Variants in SUGCT observed in about 807,000 individuals in gnomAD.
The protein encoded by SUGCT is succinyl-CoA:glutarate-CoA transferase.
Under a neutral mutation model 55.0 loss-of-function variants are expected in SUGCT, and 41 were observed. That is an observed-to-expected ratio of 0.74 (90% confidence interval 0.58 to 0.97). The LOEUF (loss-of-function observed/expected upper bound fraction) is 0.97. Among genes scored for constraint, SUGCT ranks in the 50% least tolerant of loss-of-function variants. The probability of loss-of-function intolerance (pLI) is 0.00; values close to 1 mark genes in which losing one functional copy is unlikely to be tolerated. For synonymous variants in SUGCT, 187 were observed against 200.4 expected, an observed-to-expected ratio of 0.93 and a Z score of 0.56; for missense variants, 568 against 547.8, an observed-to-expected ratio of 1.04 and a Z score of -0.37.
At chr7:40,406,627 T>G (rs1786386003) in intron 9 of SUGCT, among the ~76,000 whole-genome samples, 1 of 152,200 alleles carries the variant, frequency 6.6e-6, no homozygotes, top group African/African-American at 2.4e-5. Flanking sequence ...AGGAAATTGA[T>G]TTATTTAGGT....
Position 40,377,178 on chromosome 7 carries a change from C to T in SUGCT, c.816+60323C>T, listed in dbSNP as rs1176326013. 3.7e-4 allele frequency among the ~76,000 whole-genome samples: 6 copies of T among 16,026 alleles called. 1 individual carries two copies. In the East Asian group the frequency reaches 8.4e-3, roughly 22 times the overall value. 10.5% of individuals were successfully genotyped at this position (16,026 alleles called of 152,430 possible). A position where few individuals can be genotyped will look rare whatever the true frequency, so the allele number is the denominator to read the frequency against. On this transcript the variant is annotated intron_variant, in intron 9 of 13. Transcript: ENST00000335693. ...TCTTTCTTTCTTTCTTTCTTTCTTT[C>T]TTTCTTTCTTTCTTTCTTTCTTTTC...
chr7:40,610,108 G>A (rs1280922655), intron 12 of SUGCT, among the ~76,000 whole-genome samples: 3 of 152,126 alleles, frequency 2.0e-5, no homozygotes, highest in South Asian at 2.1e-4. Context: ...CTGAAGTATT[G>A]TCTCGTCTGC....
chr7:40,976,454 T>A, the SUGCT span, among the ~76,000 whole-genome samples: 2 of 152,226 alleles, frequency 1.3e-5, no homozygotes, highest in Non-Finnish European at 2.9e-5. Context: ...AAGCCTTAGA[T>A]AAATAGAAGA....
At chr7:40,376,946 T>C (rs573416168) in intron 9 of SUGCT, among the ~76,000 whole-genome samples, 63 of 151,814 alleles carry the variant, frequency 4.1e-4, no homozygotes, top group Admixed American at 2.6e-3. Context: ...TTATATATTT[T>C]TTCCCCCAGC....
chr7:40,350,648 T>A (rs944850605), intron 9 of SUGCT, among the ~76,000 whole-genome samples: 2 of 151,962 alleles, frequency 1.3e-5, no homozygotes, highest in African/African-American at 2.4e-5. Context: ...TTTAGATTTT[T>A]AAAAAAATTA....
chr7:40,377,982 A>G (rs1784687493), intron 9 of SUGCT, among the ~76,000 whole-genome samples: 1 of 152,128 alleles, frequency 6.6e-6, no homozygotes, highest in Admixed American at 6.5e-5. Flanking sequence ...GGTCTGTTGT[A>G]TGTAATGAAT....
intron 8 of SUGCT, among the ~76,000 whole-genome samples, chr7:40,304,744 A>C (rs1189351082): frequency 3.5e-5 from 2 of 56,682 alleles, no homozygotes; most frequent in African/African-American, 1.4e-4. Context: ...TAATAATAAT[A>C]ATAATAATAA....
intron 9 of SUGCT, among the ~76,000 whole-genome samples, chr7:40,326,208 A>C (rs1175980344): frequency 6.6e-6 from 1 of 152,048 alleles, no homozygotes; most frequent in Admixed American, 6.6e-5. Context: ...CCTTGATTTC[A>C]AGGGACTCAA....
At chr7:40,880,821 G>A in the SUGCT span, among the ~76,000 whole-genome samples, 8 of 152,180 alleles carry the variant, frequency 5.3e-5, no homozygotes, top group African/African-American at 9.7e-5. Flanking sequence ...TGTTGTAAGT[G>A]TGCAAAGGTA....
At chr7:40,296,662 T>A (rs1794171867) in intron 8 of SUGCT, among the ~76,000 whole-genome samples, 1 of 147,466 alleles carries the variant, frequency 6.8e-6, no homozygotes, top group African/African-American at 2.5e-5. Flanking sequence ...TGTAATTAAT[T>A]TTAAGCTTAT....
intron 1 of SUGCT, among the ~76,000 whole-genome samples, chr7:40,166,583 A>G (rs527785334): frequency 1.3e-5 from 2 of 152,258 alleles, no homozygotes; most frequent in South Asian, 2.1e-4. Context: ...AACAGCTAAC[A>G]TTAAAAAATA....
Position 40,752,316 on chromosome 7 carries a change from C to T in SUGCT, c.1153+2819C>T, listed in dbSNP as rs150524817. Among the ~76,000 whole-genome samples the T allele has an allele frequency of 3.3e-3, 496 of 152,126 alleles. 7 individuals carry two copies. Among genetic ancestry groups the T allele is most frequent in the South Asian group, 0.028 (135 of 4,810 alleles). On this transcript the variant is annotated intron_variant, in intron 13 of 13. Coordinates refer to ENST00000335693, the MANE Select transcript of SUGCT (RefSeq NM_001193313.2). ...AGATGTTGGTGTACAGCTGGCAAAC[C>T]CTTATGCCTGCATCTTATTAGTCCA...
intron 7 of SUGCT, among the ~76,000 whole-genome samples, chr7:40,259,633 G>A (rs769740061): frequency 6.6e-6 from 1 of 152,150 alleles, no homozygotes; most frequent in Non-Finnish European, 1.5e-5. Context: ...AGGTATATGT[G>A]AAACCATGCT....
chr7:40,819,496 C>T (rs1226529378), intron 13 of SUGCT, among the ~76,000 whole-genome samples: 2 of 152,194 alleles, frequency 1.3e-5, no homozygotes, highest in Non-Finnish European at 2.9e-5. Context: ...ATTTGCATTT[C>T]TCTGATGGCC....
At position 40,661,200 on chromosome 7, in the gene SUGCT, C is replaced by A. The variant is rs1375665479; in HGVS notation, c.1090-88234C>A. On this transcript the variant is annotated intron_variant, in intron 12 of 13. Transcript: ENST00000335693. ...AATGTTTTTAGCTAATGACCTCAAT[C>A]TATAATTCTTAGAGATAATTGATAA... 2.0e-5 allele frequency among the ~76,000 whole-genome samples: 3 copies of A among 152,204 alleles called. No homozygotes were observed. In the East Asian group the frequency reaches 5.8e-4, roughly 29 times the overall value.
intron 5 of SUGCT, among the ~76,000 whole-genome samples, chr7:40,193,280 G>GT (rs752659107): frequency 0.032 from 2,746 of 87,086 alleles, 267 homozygotes; most frequent in African/African-American, 0.064. Flanking sequence ...CAATTACTGT[G>GT]TTTTTTTTTT....
At chr7:41,009,507 C>A in the SUGCT span, among the ~76,000 whole-genome samples, 1 of 152,090 alleles carries the variant, frequency 6.6e-6, no homozygotes, top group South Asian at 2.1e-4. Flanking sequence ...CATCCACCAT[C>A]CTTCCTTCCT....
At chr7:40,845,134 A>G (rs1793492852) in intron 13 of SUGCT, among the ~76,000 whole-genome samples, 1 of 151,984 alleles carries the variant, frequency 6.6e-6, no homozygotes, top group African/African-American at 2.4e-5. Context: ...GCTGTGGAGG[A>G]TACACAATGA....
chr7:40,787,453 G>A (rs1286873272), intron 13 of SUGCT, among the ~76,000 whole-genome samples: 3 of 151,020 alleles, frequency 2.0e-5, no homozygotes, highest in African/African-American at 4.9e-5. Context: ...CAGCACATAC[G>A]GGGCCAAGAT....
Sources: allele counts gnomAD v4.1 joint callset (sites outside exome capture counted in the v4.1 genomes callset), GRCh38; gene constraint gnomAD v4.1.1; transcripts MANE v1.5; gene names NCBI Gene and HGNC (gene_info 2026-07-23, HGNC 2026-07-21).